The following PRKG1 variants were observed in gnomAD, a reference collection of about 807,000 sequenced individuals.
The protein encoded by PRKG1 is protein kinase cGMP-dependent 1.
Under a neutral mutation model 88.1 loss-of-function variants are expected in PRKG1, and 35 were observed. The observed-to-expected ratio is 0.40, with a 90% CI of 0.30 to 0.53. The LOEUF (loss-of-function observed/expected upper bound fraction) is 0.53. PRKG1 is among the 20% of genes least tolerant of loss of function. The probability of loss-of-function intolerance (pLI) is 0.59; values close to 1 mark genes in which losing one functional copy is unlikely to be tolerated. For synonymous variants in PRKG1, 303 were observed against 292.5 expected (o/e 1.04, Z -0.37); for missense variants, 540 against 839.8 (o/e 0.64, Z 4.41).
At chr10:52,167,156 G>A (rs1159743039) in intron 9 of PRKG1, among the ~76,000 whole-genome samples, 3 of 152,070 alleles carry the variant, frequency 2.0e-5, no homozygotes, top group Admixed American at 6.6e-5. Context: ...AGGAAGCATA[G>A]TTCTGGCATC....
At chr10:51,721,056 A>G (rs1841999707) in intron 3 of PRKG1, among the ~76,000 whole-genome samples, 1 of 151,728 alleles carries the variant, frequency 6.6e-6, no homozygotes, top group African/African-American at 2.4e-5. Flanking sequence ...AAATAGACAA[A>G]AAACCAATTA....
intron 3 of PRKG1, among the ~76,000 whole-genome samples, chr10:51,653,820 G>A (rs1472713142): frequency 6.6e-6 from 1 of 152,118 alleles, no homozygotes; most frequent in Non-Finnish European, 1.5e-5. Flanking sequence ...CACCTGCCTT[G>A]GCATCCGAAA....
chr10:52,288,527 C>T (rs1450057068), intron 14 of PRKG1, among the ~76,000 whole-genome samples, 199 bp from the exon 15 acceptor site: 1 of 152,092 alleles, frequency 6.6e-6, no homozygotes, highest in African/African-American at 2.4e-5. Context: ...ATAAACTTGA[C>T]CCATTTCTGG....
At chr10:51,557,303 A>T (rs1348993267) in intron 3 of PRKG1, among the ~76,000 whole-genome samples, 1 of 151,704 alleles carries the variant, frequency 6.6e-6, no homozygotes, top group Non-Finnish European at 1.5e-5. Context: ...TATAATATGG[A>T]CACTGACCTT....
At chr10:52,111,305 A>G (rs1342074992) in intron 7 of PRKG1, among the ~76,000 whole-genome samples, 1 of 152,232 alleles carries the variant, frequency 6.6e-6, no homozygotes, top group Non-Finnish European at 1.5e-5. Context: ...AGTGCCTAGC[A>G]CATACTAAAT....
chr10:51,376,769 C>T (rs1381953761), intron 2 of PRKG1, among the ~76,000 whole-genome samples: 3 of 151,936 alleles, frequency 2.0e-5, no homozygotes, highest in Admixed American at 6.6e-5. Context: ...CCACCTCCTG[C>T]GTTCAAGTGA....
At chr10:51,545,549 A>G (rs1842424874) in intron 3 of PRKG1, among the ~76,000 whole-genome samples, 1 of 152,142 alleles carries the variant, frequency 6.6e-6, no homozygotes, top group African/African-American at 2.4e-5. Context: ...AGAAGTAGGG[A>G]CAACAAGCTT....
At chr10:52,133,940 T>C (rs1837334461) in intron 8 of PRKG1, 35 bp downstream of exon 8, 1 of 1,528,056 alleles carries the variant, frequency 6.5e-7, no homozygotes. Flanking sequence ...AATTACACAC[T>C]CATATCAGCA....
rs574163552 is a variant in PRKG1 at position 51,433,491 on chromosome 10, G to A, written c.479-34232G>A. Among the ~76,000 whole-genome samples the A allele has an allele frequency of 1.1e-4, 17 of 152,166 alleles. No homozygotes were observed. The East Asian group carries it at 2.9e-3, about 26-fold the overall frequency. ...CCAATATATGGCTGGCATTCAATACGAGAATCTGGGAAATAAAACCACATG... is the reference window on the plus strand; with the variant it reads ...CCAATATATGGCTGGCATTCAATACAAGAATCTGGGAAATAAAACCACATG... On this transcript the variant is annotated intron_variant, in intron 2 of 17. Coordinates refer to ENST00000373980, the MANE Select transcript of PRKG1 (RefSeq NM_006258.4).
intron 4 of PRKG1, among the ~76,000 whole-genome samples, chr10:51,890,299 A>G (rs1477011298): frequency 6.6e-6 from 1 of 152,230 alleles, no homozygotes; most frequent in Non-Finnish European, 1.5e-5. Context: ...TTCTACCTAA[A>G]TAATTCCTTT....
rs148956116 is a variant in PRKG1 at position 51,558,418 on chromosome 10, A to C, written c.592+90582A>C. Reference sequence around the variant, plus strand: ...ATGAGGACCATACTTGGTTAAAAAAAATTAATTTATTTATTCCTATTTCCA... The same window carrying C: ...ATGAGGACCATACTTGGTTAAAAAACATTAATTTATTTATTCCTATTTCCA... On this transcript the variant is annotated intron_variant, in intron 3 of 17. Coordinates refer to ENST00000373980, the MANE Select transcript of PRKG1 (RefSeq NM_006258.4). Among the ~76,000 whole-genome samples, 170 of 152,214 alleles carry C rather than the reference A, an allele frequency of 1.1e-3. 1 individual carries two copies. The highest frequency in any genetic ancestry group is 3.7e-3 in the African/African-American group (153 of 41,550).
At chr10:51,916,915 A>C (rs1450502314) in intron 5 of PRKG1, among the ~76,000 whole-genome samples, 2 of 152,212 alleles carry the variant, frequency 1.3e-5, no homozygotes, top group Non-Finnish European at 2.9e-5. Flanking sequence ...AATAAAAGTA[A>C]AATGACACAT....
At chr10:51,543,729 G>T (rs1564542641) in intron 3 of PRKG1, among the ~76,000 whole-genome samples, 2 of 152,140 alleles carry the variant, frequency 1.3e-5, no homozygotes, top group Non-Finnish European at 2.9e-5. Flanking sequence ...AGGCTATAAA[G>T]CCACTTCTTA....
chr10:51,417,511 T>G (rs1838274391), intron 2 of PRKG1, among the ~76,000 whole-genome samples: 1 of 152,192 alleles, frequency 6.6e-6, no homozygotes, highest in African/African-American at 2.4e-5. Flanking sequence ...TTAACAGGTA[T>G]GTAGGTATAA....
Position 51,346,229 on chromosome 10 carries a change from G to A in PRKG1, c.479-121494G>A, listed in dbSNP as rs138231441. On this transcript the variant is annotated intron_variant, in intron 2 of 17. Transcript: ENST00000373980. ...AATTTATTTCAAATTTTAGATTAGC[G>A]TACAATTGGATTCAGAAAAGAAGTG... Among the ~76,000 whole-genome samples the A allele has an allele frequency of 5.2e-3, 787 of 152,242 alleles. 3 individuals are homozygous for A. The highest frequency in any genetic ancestry group is 5.6e-3 in the Non-Finnish European group (383 of 68,018).
At chr10:51,934,688 G>A (rs11000189) in intron 5 of PRKG1, among the ~76,000 whole-genome samples, 2 of 152,058 alleles carry the variant, frequency 1.3e-5, no homozygotes, top group African/African-American at 4.8e-5. Context: ...TGTCTGTGAC[G>A]TCTGGAGTAG....
chr10:52,209,523 T>G (rs1414119925), intron 9 of PRKG1, among the ~76,000 whole-genome samples: 3 of 152,162 alleles, frequency 2.0e-5, no homozygotes, highest in Admixed American at 2.0e-4. Context: ...TTGCAGGGAA[T>G]TGATGAGCAG....
intron 5 of PRKG1, among the ~76,000 whole-genome samples, chr10:51,919,520 T>C (rs540211944): frequency 6.9e-6 from 1 of 145,604 alleles, no homozygotes; most frequent in African/African-American, 2.4e-5. Context: ...TGCTGTGCAA[T>C]ACCATTCTGC....
chr10:51,925,686 TC>T (rs1419718829), intron 5 of PRKG1, among the ~76,000 whole-genome samples: 1 of 152,126 alleles, frequency 6.6e-6, no homozygotes, highest in East Asian at 1.9e-4. Flanking sequence ...AGATCACTTT[TC>T]CCCTAGATTT....
Sources: gnomAD v4.1 joint callset for allele counts (sites outside exome capture counted in the v4.1 genomes callset) on GRCh38, gnomAD v4.1.1 for gene constraint, MANE v1.5 for transcripts, NCBI Gene and HGNC (gene_info 2026-07-23, HGNC 2026-07-21) for gene names.